GALNTL6: variants seen among roughly 807,000 people sequenced by gnomAD.
GALNTL6 encodes polypeptide N-acetylgalactosaminyltransferase-like 6.
GALNTL6 carries 46 observed loss-of-function variants against 73.7 expected under a neutral mutation model. The ratio of observed to expected loss-of-function variants is 0.62; its 90% CI spans 0.49 to 0.80. The LOEUF (loss-of-function observed/expected upper bound fraction) is 0.80, where lower values mean the gene tolerates loss of function less well. Among genes scored for constraint, GALNTL6 ranks in the 30% least tolerant of loss-of-function variants. The probability of loss-of-function intolerance (pLI) is 0.00; values close to 1 mark genes in which losing one functional copy is unlikely to be tolerated. For synonymous variants in GALNTL6, 259 were observed against 263.7 expected (o/e 0.98, Z 0.17); for missense variants, 604 against 755.0 (o/e 0.80, Z 2.34).
chr4:172,615,916 A>G (rs1483443206), intron 5 of GALNTL6, among the ~76,000 whole-genome samples: 6 of 152,128 alleles, frequency 3.9e-5, no homozygotes, highest in African/African-American at 1.4e-4. Context: ...ACCACCAGCT[A>G]ACACCTGACT....
intron 5 of GALNTL6, among the ~76,000 whole-genome samples, chr4:172,578,365 T>A (rs1737042411): frequency 6.6e-6 from 1 of 152,248 alleles, no homozygotes; most frequent in African/African-American, 2.4e-5. Context: ...GCACACGTTC[T>A]TCAGCTTAGG....
At chr4:172,264,315 T>C (rs34299210) in intron 3 of GALNTL6, among the ~76,000 whole-genome samples, 1 of 150,980 alleles carries the variant, frequency 6.6e-6, no homozygotes, top group Non-Finnish European at 1.5e-5. Flanking sequence ...TGATGTCTCA[T>C]ATGCTGTTTA....
At chr4:172,875,069 T>G (rs1745126190) in intron 7 of GALNTL6, among the ~76,000 whole-genome samples, 1 of 152,100 alleles carries the variant, frequency 6.6e-6, no homozygotes, top group Non-Finnish European at 1.5e-5. Context: ...AGCAGACTTG[T>G]TTCTGAGGAT....
intron 10 of GALNTL6, among the ~76,000 whole-genome samples, chr4:173,004,181 C>G (rs1448741180): frequency 6.6e-6 from 1 of 151,550 alleles, no homozygotes; most frequent in Non-Finnish European, 1.5e-5. Context: ...AAGACCCTAT[C>G]TCTTGAAAAA....
At chr4:172,616,210 A>T (rs1258568865) in intron 5 of GALNTL6, among the ~76,000 whole-genome samples, 1 of 152,176 alleles carries the variant, frequency 6.6e-6, no homozygotes, top group African/African-American at 2.4e-5. Context: ...CAAAAATGAG[A>T]TCTACTGTGC....
At chr4:171,968,328 T>C (rs1249077775) in intron 2 of GALNTL6, among the ~76,000 whole-genome samples, 1 of 152,144 alleles carries the variant, frequency 6.6e-6, no homozygotes, top group Non-Finnish European at 1.5e-5. Context: ...TCATTTCATT[T>C]TGGGGGTTCC....
At chr4:172,398,625 A>G (rs1236704218) in intron 5 of GALNTL6, among the ~76,000 whole-genome samples, 1 of 152,184 alleles carries the variant, frequency 6.6e-6, no homozygotes, top group African/African-American at 2.4e-5. Flanking sequence ...CAGTAAGATA[A>G]CCTGTGAAAT....
intron 10 of GALNTL6, among the ~76,000 whole-genome samples, chr4:172,986,914 G>A (rs1168869438): frequency 1.4e-4 from 22 of 152,172 alleles, no homozygotes; most frequent in Admixed American, 1.4e-3. Flanking sequence ...AAATATGGAA[G>A]AAAAATTTGT....
intron 4 of GALNTL6, among the ~76,000 whole-genome samples, chr4:172,344,542 C>T (rs548999370): frequency 6.6e-6 from 1 of 152,320 alleles, no homozygotes; most frequent in East Asian, 1.9e-4. Flanking sequence ...ATCTGCAACA[C>T]ATTGTCTGCC....
At chr4:172,087,476 AC>A (rs1732083180) in intron 2 of GALNTL6, among the ~76,000 whole-genome samples, 2 of 146,738 alleles carry the variant, frequency 1.4e-5, no homozygotes, top group African/African-American at 5.4e-5. Context: ...AACAAAAAAA[AC>A]AAAATAGAGC....
intron 4 of GALNTL6, among the ~76,000 whole-genome samples, chr4:172,325,840 AG>A (rs978300916): frequency 6.6e-6 from 1 of 151,848 alleles, no homozygotes; most frequent in Non-Finnish European, 1.5e-5. Flanking sequence ...AAAGCAGAAA[AG>A]GGGAACTATT....
chr4:171,856,865 T>C (rs532437037), intron 2 of GALNTL6, among the ~76,000 whole-genome samples: 1 of 152,308 alleles, frequency 6.6e-6, no homozygotes, highest in Admixed American at 6.5e-5. Flanking sequence ...AGTAGGTTAG[T>C]AGTATCAGCC....
At chr4:172,418,598 A>G (rs550918221) in intron 5 of GALNTL6, among the ~76,000 whole-genome samples, 4 of 152,338 alleles carry the variant, frequency 2.6e-5, no homozygotes, top group African/African-American at 9.6e-5. Context: ...ATCAACCTGC[A>G]GGCTTATGAC....
intron 2 of GALNTL6, among the ~76,000 whole-genome samples, chr4:171,915,801 A>G (rs1388170996): frequency 6.6e-6 from 1 of 152,124 alleles, no homozygotes; most frequent in African/African-American, 2.4e-5. Flanking sequence ...ATCACAGATT[A>G]TTGAGGAGAG....
intron 5 of GALNTL6, among the ~76,000 whole-genome samples, chr4:172,654,049 T>C (rs913055996): frequency 6.6e-6 from 1 of 152,122 alleles, no homozygotes; most frequent in Non-Finnish European, 1.5e-5. Context: ...CTCTCAAACA[T>C]ACAGAGACAG....
At chr4:172,692,557 T>A (rs1733376476) in intron 5 of GALNTL6, among the ~76,000 whole-genome samples, 1 of 152,210 alleles carries the variant, frequency 6.6e-6, no homozygotes, top group Non-Finnish European at 1.5e-5. Context: ...ATTGTTTAAA[T>A]TTGAATTTCT....
intron 5 of GALNTL6, among the ~76,000 whole-genome samples, chr4:172,757,559 G>A (rs761000786): frequency 1.3e-5 from 2 of 152,168 alleles, no homozygotes; most frequent in Non-Finnish European, 2.9e-5. Flanking sequence ...GAACTCCTCT[G>A]TCTCAACTTC....
chr4:172,354,820 C>T (rs1742095056), intron 5 of GALNTL6, among the ~76,000 whole-genome samples: 1 of 152,028 alleles, frequency 6.6e-6, no homozygotes, highest in Admixed American at 6.6e-5. Context: ...TCAGAAACAA[C>T]AGAATTTATC....
At chr4:172,478,074 A>C (rs1056491927) in intron 5 of GALNTL6, among the ~76,000 whole-genome samples, 3 of 152,170 alleles carry the variant, frequency 2.0e-5, no homozygotes, top group African/African-American at 7.2e-5. Flanking sequence ...CCTTAGAATC[A>C]GCTTTTCTAA....
Sources: gnomAD v4.1 joint callset for allele counts (sites outside exome capture counted in the v4.1 genomes callset) on GRCh38, gnomAD v4.1.1 for gene constraint, MANE v1.5 for transcripts, NCBI Gene and HGNC (gene_info 2026-07-23, HGNC 2026-07-21) for gene names.